SGK1: variants seen among roughly 807,000 people sequenced by gnomAD.
SGK1 encodes serine/threonine-protein kinase Sgk1.
Under a neutral mutation model 64.2 loss-of-function variants are expected in SGK1, and 26 were observed. The observed-to-expected ratio is 0.40, with a 90% CI of 0.30 to 0.56. The LOEUF (loss-of-function observed/expected upper bound fraction) is 0.56, where lower values mean the gene tolerates loss of function less well. Ranked by LOEUF, SGK1 falls within the 20% of genes least tolerant of loss-of-function variation. The probability of loss-of-function intolerance (pLI) is 0.38; values close to 1 mark genes in which losing one functional copy is unlikely to be tolerated. For synonymous variants in SGK1, 265 were observed against 239.7 expected, an observed-to-expected ratio of 1.11 and a Z score of -0.98; for missense variants, 519 against 645.6, an observed-to-expected ratio of 0.80 and a Z score of 2.12.
At chr6:134,174,417 G>T (rs778721636) in intron 4 of SGK1, 94 bp downstream of exon 4, 18 of 849,730 alleles carry the variant, frequency 2.1e-5, no homozygotes, top group Admixed American at 6.6e-5. Context: ...CCCAGAAGAA[G>T]TCTTCGCCTT....
chr6:134,240,669 A>G (rs753194392), intron 2 of SGK1, among the ~76,000 whole-genome samples: 17 of 152,226 alleles, frequency 1.1e-4, no homozygotes, highest in Non-Finnish European at 4.4e-5. Context: ...CAAAAATGAT[A>G]TATTAGTTGT....
intron 1 of SGK1, among the ~76,000 whole-genome samples, chr6:134,269,657 CAAAAAAA>C (rs774346061): frequency 9.8e-6 from 1 of 101,702 alleles, no homozygotes; most frequent in African/African-American, 3.5e-5. Context: ...GACTCTGTCT[CAAAAAAA>C]AAAAAAAAGA....
chr6:134,264,646 T>A (rs59294725), intron 1 of SGK1, among the ~76,000 whole-genome samples: 27,061 of 148,922 alleles, frequency 0.18, 3,010 homozygotes, highest in African/African-American at 0.31. Context: ...TATTATTATT[T>A]TTGTTGTTGT....
chr6:134,171,459 T>C (rs932480343), intron 11 of SGK1, 178 bp downstream of exon 11: 4 of 615,816 alleles, frequency 6.5e-6, no homozygotes, highest in Non-Finnish European at 1.1e-5. Flanking sequence ...AAATGTGAAA[T>C]GCACAAAAGA....
intron 1 of SGK1, among the ~76,000 whole-genome samples, chr6:134,296,549 C>T (rs1358846197): frequency 2.0e-5 from 3 of 152,064 alleles, no homozygotes; most frequent in Non-Finnish European, 2.9e-5. Flanking sequence ...CTTGAACTCC[C>T]GGACTCAAGC....
intron 1 of SGK1, among the ~76,000 whole-genome samples, chr6:134,301,896 G>C (rs1220125950): frequency 6.6e-6 from 1 of 152,136 alleles, no homozygotes; most frequent in African/African-American, 2.4e-5. Context: ...CACTGCTCTG[G>C]TAAACTGAAA....
At position 134,170,844 on chromosome 6, in the gene SGK1, G is replaced by A; in HGVS notation, c.1395C>T (p.Pro465=). ...WDDLINKKIT[P]PFNPNVSGPN... is the part of the protein sequence containing the mutation. ...TACTCACCACATTTGGGTTAAAAGG[G>A]GGAGTAATCTTCTTATTAATGAGAT... The change falls in exon 13 of 14, where the codon CCC becomes CCT. Residue 465 remains proline, a synonymous_variant. Coordinates refer to ENST00000367858, the MANE Select transcript of SGK1 (RefSeq NM_001143676.3). 6.2e-7 allele frequency: 1 copy of A among 1,606,160 alleles called. No homozygotes were observed.
intron 3 of SGK1, among the ~76,000 whole-genome samples, chr6:134,194,774 C>T (rs1271544976): frequency 2.0e-5 from 3 of 152,134 alleles, no homozygotes; most frequent in Non-Finnish European, 2.9e-5. Context: ...GCGCCCGCCT[C>T]GGCCTCCCAA....
chr6:134,287,582 G>T (rs1468727820), intron 1 of SGK1, among the ~76,000 whole-genome samples: 5 of 149,960 alleles, frequency 3.3e-5, no homozygotes, highest in South Asian at 4.2e-4. Flanking sequence ...ACTGTGATTT[G>T]GTTTTTTATA....
At chr6:134,207,457 T>C (rs1166934516) in intron 2 of SGK1, 26 bp from the exon 3 acceptor site, 6 of 1,538,616 alleles carry the variant, frequency 3.9e-6, no homozygotes, top group Non-Finnish European at 5.4e-6. Context: ...AGAAAAGAAG[T>C]GATATAAAAA....
At chr6:134,177,146 G>A (rs184786512) in intron 3 of SGK1, among the ~76,000 whole-genome samples, 1 of 152,088 alleles carries the variant, frequency 6.6e-6, no homozygotes, top group Non-Finnish European at 1.5e-5. Flanking sequence ...CCCGGGAGGC[G>A]GAGGTTGCAG....
At chr6:134,207,275 A>G in intron 3 of SGK1, 81 bp downstream of exon 3, 1 of 864,150 alleles carries the variant, frequency 1.2e-6, no homozygotes, top group East Asian at 2.6e-5. Context: ...ATTTCCCCCC[A>G]AACCTTGCCT....
intron 10 of SGK1, 106 bp from the exon 11 acceptor site, chr6:134,171,838 A>G (rs1775036856): frequency 1.4e-6 from 1 of 730,624 alleles, no homozygotes; most frequent in Admixed American, 2.5e-5. Flanking sequence ...CCAGCTTGGA[A>G]GATAGATATC....
At chr6:134,174,980 T>G (rs1021619391) in intron 3 of SGK1, 2 of 1,280,702 alleles carry the variant, frequency 1.6e-6, no homozygotes, top group Non-Finnish European at 2.1e-6. Flanking sequence ...CCCGGCCGCC[T>G]CGCGGTTTGC....
rs373511587 is a variant in SGK1, at chr6:134,172,178, C to G, written c.1071+15G>C. ...GGCGGGGGTAAACCAGGCACCAAAC[C>G]AAGACAGCGCCTACCTCCGGCGTGC... On this transcript the variant is annotated intron_variant, in intron 10 of 13. Transcript: ENST00000367858. 6.8e-6 allele frequency: 11 copies of G among 1,611,904 alleles called. No individual in the cohort carries two copies. The highest frequency in any genetic ancestry group is 8.5e-6 in the Non-Finnish European group (10 of 1,179,302).
At chr6:134,231,445 A>G (rs1776277064) in intron 2 of SGK1, among the ~76,000 whole-genome samples, 1 of 152,244 alleles carries the variant, frequency 6.6e-6, no homozygotes, top group South Asian at 2.1e-4. Context: ...TTAAATGGCA[A>G]TATTCAATGC....
intron 2 of SGK1, among the ~76,000 whole-genome samples, chr6:134,234,035 C>T (rs1461918178): frequency 2.6e-5 from 4 of 152,152 alleles, no homozygotes; most frequent in Non-Finnish European, 5.9e-5. Context: ...TGAAACCAAG[C>T]AGTTGTATTC....
chr6:134,238,333 GGATTA>G (rs1776394017), intron 2 of SGK1, among the ~76,000 whole-genome samples: 2 of 152,104 alleles, frequency 1.3e-5, no homozygotes, highest in Non-Finnish European at 2.9e-5. Context: ...TAAATGACAA[GGATTA>G]GATATAAAAA....
intron 2 of SGK1, among the ~76,000 whole-genome samples, chr6:134,225,007 TC>T (rs1208694532): frequency 9.1e-5 from 6 of 66,160 alleles, no homozygotes; most frequent in Non-Finnish European, 8.1e-5. Flanking sequence ...AGACTCCATC[TC>T]AAAAAAAAAA....
Sources: allele counts gnomAD v4.1 joint callset (sites outside exome capture counted in the v4.1 genomes callset), GRCh38; gene constraint gnomAD v4.1.1; transcripts MANE v1.5; gene names NCBI Gene and HGNC (gene_info 2026-07-23, HGNC 2026-07-21).